Variants in DENND1B observed in about 807,000 individuals in gnomAD.
The protein encoded by DENND1B is DENN domain containing 1B.
In DENND1B, 59 loss-of-function variants were observed where a neutral mutation model predicts 90.1. The ratio of observed to expected loss-of-function variants is 0.65; its 90% CI spans 0.53 to 0.81. The LOEUF (loss-of-function observed/expected upper bound fraction) is 0.81, where lower values mean the gene tolerates loss of function less well. DENND1B is among the 40% of genes least tolerant of loss of function. The pLI is 0.00. For missense variants in DENND1B, 862 were observed against 912.6 expected (o/e 0.94, Z 0.71); for synonymous variants, 337 against 324.6 (o/e 1.04, Z -0.41).
rs557217677 is a variant in DENND1B, at chr1:197,773,292, T to A, written c.18-360A>T. On this transcript the variant is annotated intron_variant, in intron 1 of 22. Transcript: ENST00000620048. ...ACAAAAATGCAAAGTATTGGTTTTA[T>A]CTTATTGGATCAAATTTAAAAGCCA... is the stretch of plus-strand genomic sequence containing the variant. Among the ~76,000 whole-genome samples the A allele has an allele frequency of 2.0e-5, 3 of 152,340 alleles. No individual in the cohort carries two copies. The East Asian group carries it at 5.8e-4, about 29-fold the overall frequency.
At chr1:197,713,795 A>ATATATAACTATTG in intron 3 of DENND1B, among the ~76,000 whole-genome samples, 1 of 58,082 alleles carries the variant, frequency 1.7e-5, no homozygotes, top group South Asian at 5.1e-4. Flanking sequence ...TTATAATATT[A>ATATATAACTATTG]TTATATTATA....
intron 4 of DENND1B, among the ~76,000 whole-genome samples, chr1:197,673,514 A>G (rs1655740587): frequency 6.6e-6 from 1 of 152,088 alleles, no homozygotes; most frequent in Non-Finnish European, 1.5e-5. Flanking sequence ...CACATGAAAA[A>G]CAATAAACGA....
intron 18 of DENND1B, 116 bp from the exon 19 acceptor site, chr1:197,541,131 G>A: frequency 1.1e-6 from 1 of 937,432 alleles, no homozygotes; most frequent in Non-Finnish European, 1.6e-6. Context: ...TTTAGAAAAA[G>A]AACAGATTAT....
chr1:197,603,747 T>C (rs1410202865), intron 13 of DENND1B, among the ~76,000 whole-genome samples: 1 of 151,154 alleles, frequency 6.6e-6, no homozygotes, highest in Non-Finnish European at 1.5e-5. Flanking sequence ...ATTGCTTTTT[T>C]AAAACGTTAA....
chr1:197,653,251 G>A (rs1350280342), intron 6 of DENND1B, among the ~76,000 whole-genome samples: 2 of 152,204 alleles, frequency 1.3e-5, no homozygotes, highest in East Asian at 3.9e-4. Flanking sequence ...ACAACGAAAT[G>A]TATCAGAGAA....
At chr1:197,528,737 G>C (rs1669326778) in intron 20 of DENND1B, among the ~76,000 whole-genome samples, 1 of 150,876 alleles carries the variant, frequency 6.6e-6, no homozygotes, top group Non-Finnish European at 1.5e-5. Context: ...GCGGGCGCCT[G>C]TAGTCCCAGC....
chr1:197,668,466 T>C (rs1485223530), intron 5 of DENND1B, among the ~76,000 whole-genome samples: 2 of 151,888 alleles, frequency 1.3e-5, no homozygotes, highest in African/African-American at 2.4e-5. Context: ...GGGGCATTCA[T>C]GTTGTCAACA....
At chr1:197,624,762 A>C (rs1416638401) in intron 10 of DENND1B, among the ~76,000 whole-genome samples, 1 of 151,874 alleles carries the variant, frequency 6.6e-6, no homozygotes, top group African/African-American at 2.4e-5. Context: ...GAAGTTAAAA[A>C]CTTTGAAAAA....
chr1:197,700,540 G>A (rs1415003547), intron 3 of DENND1B, among the ~76,000 whole-genome samples: 1 of 152,048 alleles, frequency 6.6e-6, no homozygotes, highest in Non-Finnish European at 1.5e-5. Context: ...TATCATTCAG[G>A]ACACAGACAT....
chr1:197,681,824 C>T (rs1656723069), intron 3 of DENND1B, among the ~76,000 whole-genome samples: 1 of 152,280 alleles, frequency 6.6e-6, no homozygotes, highest in East Asian at 1.9e-4. Flanking sequence ...TACTATCTTT[C>T]TGTCATCATA....
intron 2 of DENND1B, among the ~76,000 whole-genome samples, chr1:197,718,308 G>A (rs188726402): frequency 6.7e-5 from 10 of 150,362 alleles, no homozygotes; most frequent in African/African-American, 2.2e-4. Context: ...GGGCAATTTC[G>A]TTTTTGTACA....
At chr1:197,707,897 G>A (rs1384790575) in intron 3 of DENND1B, among the ~76,000 whole-genome samples, 3 of 150,694 alleles carry the variant, frequency 2.0e-5, no homozygotes, top group Admixed American at 6.6e-5. Flanking sequence ...GAAGCAGGGC[G>A]AGGCATTGCC....
At chr1:197,576,586 C>T (rs1673704996) in intron 15 of DENND1B, among the ~76,000 whole-genome samples, 1 of 152,158 alleles carries the variant, frequency 6.6e-6, no homozygotes, top group South Asian at 2.1e-4. Flanking sequence ...ATAAACACTG[C>T]TATGTTGTGA....
At chr1:197,567,618 T>C (rs1672787579) in intron 15 of DENND1B, among the ~76,000 whole-genome samples, 1 of 152,010 alleles carries the variant, frequency 6.6e-6, no homozygotes, top group African/African-American at 2.4e-5. Context: ...AATTCAACAG[T>C]GTTTTAAAAG....
intron 15 of DENND1B, among the ~76,000 whole-genome samples, chr1:197,577,179 AT>A (rs1250630606): frequency 2.6e-5 from 4 of 152,194 alleles, no homozygotes. Context: ...TTACAATAAC[AT>A]GGGATAAATT....
intron 20 of DENND1B, among the ~76,000 whole-genome samples, chr1:197,529,704 G>C (rs988374507): frequency 2.0e-5 from 3 of 152,060 alleles, no homozygotes; most frequent in African/African-American, 7.2e-5. Flanking sequence ...TCTTAGAAAA[G>C]AAAATGTTAG....
chr1:197,727,727 A>C (rs1261166529), intron 2 of DENND1B, among the ~76,000 whole-genome samples: 1 of 152,146 alleles, frequency 6.6e-6, no homozygotes, highest in Non-Finnish European at 1.5e-5. Flanking sequence ...ATTACACAAA[A>C]TTGCCATATA....
intron 20 of DENND1B, among the ~76,000 whole-genome samples, chr1:197,529,242 ATGTGTG>A (rs1160722638): frequency 1.6e-3 from 17 of 10,868 alleles, no homozygotes; most frequent in African/African-American, 2.8e-3. Flanking sequence ...ATATATATAT[ATGTGTG>A]TGTGTGTGTG....
At chr1:197,648,410 AATAAAG>A (rs1459324108) in intron 7 of DENND1B, among the ~76,000 whole-genome samples, 2 of 152,138 alleles carry the variant, frequency 1.3e-5, no homozygotes, top group African/African-American at 4.8e-5. Flanking sequence ...GGTTCTTATT[AATAAAG>A]ATGAAGTGTT....
Sources: gnomAD v4.1 joint callset for allele counts (sites outside exome capture counted in the v4.1 genomes callset) on GRCh38, gnomAD v4.1.1 for gene constraint, MANE v1.5 for transcripts, NCBI Gene and HGNC (gene_info 2026-07-23, HGNC 2026-07-21) for gene names.